The following GNAT3 variants were observed in gnomAD, a reference collection of about 807,000 sequenced individuals.
GNAT3 encodes guanine nucleotide-binding protein G(t) subunit alpha-3.
A neutral mutation model predicts 37.7 loss-of-function variants in GNAT3; 31 were observed. The ratio of observed to expected loss-of-function variants is 0.82; its 90% confidence interval spans 0.62 to 1.11. The LOEUF (loss-of-function observed/expected upper bound fraction) is 1.11, where lower values mean the gene tolerates loss of function less well. GNAT3 is among the 50% of genes most tolerant of loss of function. The pLI, the probability that GNAT3 is intolerant of heterozygous loss-of-function variation, is 0.00. For synonymous variants in GNAT3, 138 were observed against 139.8 expected (o/e 0.99, Z 0.09); for missense variants, 437 against 412.5 (o/e 1.06, Z -0.51).
chr7:80,462,131 C>T, intron 7 of GNAT3, 28 bp downstream of exon 7: 1 of 1,408,332 alleles, frequency 7.1e-7, no homozygotes, highest in Non-Finnish European at 9.6e-7. Flanking sequence ...AAATTTATTT[C>T]TATGGAACTA....
At chr7:80,468,813 C>G (rs1032107963) in intron 5 of GNAT3, among the ~76,000 whole-genome samples, 5 of 152,066 alleles carry the variant, frequency 3.3e-5, no homozygotes, top group Non-Finnish European at 7.4e-5. Context: ...ATCATTAATA[C>G]CATTATATAC....
intron 3 of GNAT3, 60 bp from the exon 4 acceptor site, chr7:80,479,058 C>A (rs1444826320): frequency 7.1e-6 from 8 of 1,129,012 alleles, no homozygotes; most frequent in Non-Finnish European, 8.7e-6. Context: ...ATTCTATTTT[C>A]TAATAGAGTA....
At chr7:80,461,395 G>A (rs982865058) in intron 7 of GNAT3, among the ~76,000 whole-genome samples, 3 of 151,878 alleles carry the variant, frequency 2.0e-5, no homozygotes, top group Admixed American at 2.0e-4. Context: ...CTGAAAATAC[G>A]AAAATTAACT....
intron 3 of GNAT3, among the ~76,000 whole-genome samples, chr7:80,482,183 C>T (rs1435977511): frequency 1.3e-5 from 2 of 152,140 alleles, no homozygotes; most frequent in Non-Finnish European, 2.9e-5. Context: ...CAAGTCTCAA[C>T]CTGATTTTCC....
intron 1 of GNAT3, among the ~76,000 whole-genome samples, chr7:80,509,615 T>G (rs1791020942): frequency 6.6e-6 from 1 of 152,130 alleles, no homozygotes; most frequent in Non-Finnish European, 1.5e-5. Context: ...TATTTTTCAT[T>G]TGATAGCATT....
At chr7:80,467,428 C>T (rs1000215055) in intron 5 of GNAT3, among the ~76,000 whole-genome samples, 11 of 152,238 alleles carry the variant, frequency 7.2e-5, no homozygotes, top group Admixed American at 5.9e-4. Context: ...ATTAGCAAAT[C>T]AGATCAATAG....
At chr7:80,501,751 G>T (rs1315988752) in intron 1 of GNAT3, among the ~76,000 whole-genome samples, 1 of 151,734 alleles carries the variant, frequency 6.6e-6, no homozygotes, top group African/African-American at 2.4e-5. Flanking sequence ...TCTCTGATTA[G>T]ATTCAATGTA....
At chr7:80,500,729 A>C (rs1790816769) in intron 1 of GNAT3, among the ~76,000 whole-genome samples, 1 of 152,082 alleles carries the variant, frequency 6.6e-6, no homozygotes, top group African/African-American at 2.4e-5. Flanking sequence ...GTGTTTTTTC[A>C]ATCAGGAATT....
At chr7:80,483,701 C>T (rs1790429326) in intron 3 of GNAT3, among the ~76,000 whole-genome samples, 2 of 152,004 alleles carry the variant, frequency 1.3e-5, no homozygotes, top group African/African-American at 4.8e-5. Context: ...ACCAAGCCCT[C>T]ATTTCAGCGC....
intron 3 of GNAT3, among the ~76,000 whole-genome samples, chr7:80,488,198 A>G (rs1437203403): frequency 6.6e-6 from 1 of 152,130 alleles, no homozygotes; most frequent in Non-Finnish European, 1.5e-5. Flanking sequence ...AACTAAAAAA[A>G]TTAATGTAGA....
chr7:80,485,963 A>G (rs956204112), intron 3 of GNAT3, among the ~76,000 whole-genome samples: 4 of 152,182 alleles, frequency 2.6e-5, no homozygotes, highest in African/African-American at 9.6e-5. Flanking sequence ...TAAATTTTCT[A>G]TCAGAACTTC....
chr7:80,510,382 A>G (rs936110494), intron 1 of GNAT3, among the ~76,000 whole-genome samples: 2 of 152,334 alleles, frequency 1.3e-5, no homozygotes, highest in African/African-American at 2.4e-5. Context: ...GAAAACACAC[A>G]TCTATTGAAA....
intron 5 of GNAT3, among the ~76,000 whole-genome samples, chr7:80,470,463 C>T (rs1001542556): frequency 4.6e-5 from 7 of 152,166 alleles, no homozygotes; most frequent in African/African-American, 1.7e-4. Context: ...TCAAGTAATC[C>T]ACCAGCCTCG....
At chr7:80,481,561 A>AT (rs941688002) in intron 3 of GNAT3, among the ~76,000 whole-genome samples, 2 of 152,158 alleles carry the variant, frequency 1.3e-5, no homozygotes, top group African/African-American at 2.4e-5. Context: ...CCCCAAATAT[A>AT]TTTTTTTGGC....
chr7:80,495,221 T>C (rs1790693606), intron 1 of GNAT3, among the ~76,000 whole-genome samples: 1 of 152,142 alleles, frequency 6.6e-6, no homozygotes, highest in East Asian at 1.9e-4. Flanking sequence ...CTTTTAAAAA[T>C]AATGTTTTTC....
chr7:80,479,343 T>A (rs1181973385), intron 3 of GNAT3, among the ~76,000 whole-genome samples: 1 of 151,994 alleles, frequency 6.6e-6, no homozygotes, highest in African/African-American at 2.4e-5. Context: ...CAAGGTAAAA[T>A]AAAAATTAAG....
chr7:80,464,404 G>A (rs1790100378), intron 5 of GNAT3, among the ~76,000 whole-genome samples: 1 of 152,070 alleles, frequency 6.6e-6, no homozygotes. Context: ...AAGTACTTCA[G>A]GAGTGAGCCT....
chr7:80,473,130 G>A (rs1398972546), intron 5 of GNAT3, among the ~76,000 whole-genome samples: 1 of 152,166 alleles, frequency 6.6e-6, no homozygotes, highest in African/African-American at 2.4e-5. Flanking sequence ...GTGAAGCCAA[G>A]ACTGACGACA....
chr7:80,485,358 C>T (rs1436122331), intron 3 of GNAT3, among the ~76,000 whole-genome samples: 1 of 152,046 alleles, frequency 6.6e-6, no homozygotes, highest in Non-Finnish European at 1.5e-5. Flanking sequence ...GCTTCAAATG[C>T]ACATTTGTAA....
Sources: allele counts gnomAD v4.1 joint callset (sites outside exome capture counted in the v4.1 genomes callset), GRCh38; gene constraint gnomAD v4.1.1; transcripts MANE v1.5; gene names NCBI Gene and HGNC (gene_info 2026-07-23, HGNC 2026-07-21).